ANKRD31: variants seen among roughly 807,000 people sequenced by gnomAD.
The protein encoded by ANKRD31 is ankyrin repeat domain-containing protein 31.
ANKRD31 carries 147 observed loss-of-function variants against 186.0 expected under a neutral mutation model. The observed-to-expected ratio is 0.79, with a 90% CI of 0.69 to 0.91. The LOEUF is 0.91. Ranked by LOEUF, ANKRD31 falls within the 40% of genes least tolerant of loss-of-function variation. ANKRD31 has a pLI of 0.00. For synonymous variants in ANKRD31, 673 were observed against 736.4 expected, an observed-to-expected ratio of 0.91 and a Z score of 1.39; for missense variants, 1,986 against 2,148.8, an observed-to-expected ratio of 0.92 and a Z score of 1.50.
In ANKRD31 at chr5:75,128,284, G is replaced by A. The variant is rs544654196; in HGVS notation, c.3876+9572C>T. 3.3e-5 allele frequency among the ~76,000 whole-genome samples: 5 copies of A among 151,410 alleles called. No homozygotes were observed. The South Asian group carries it at 8.4e-4, about 25-fold the overall frequency. The stretch of plus-strand genomic sequence containing the variant: ...GGGGTGGGGGACTAGGGGAGGGATA[G>A]CATTAGGAGAAATACCTAATGTAGA... On this transcript the variant is annotated intron_variant, in intron 17 of 25. Transcript: ENST00000506364.
chr5:75,144,498 T>C (rs1013496056), intron 14 of ANKRD31, among the ~76,000 whole-genome samples: 1 of 152,106 alleles, frequency 6.6e-6, no homozygotes, highest in Non-Finnish European at 1.5e-5. Context: ...GGGGAAAGGA[T>C]TCCCTATTTA....
intron 2 of ANKRD31, among the ~76,000 whole-genome samples, chr5:75,225,924 C>A (rs1207721785): frequency 6.6e-6 from 1 of 152,162 alleles, no homozygotes; most frequent in African/African-American, 2.4e-5. Flanking sequence ...CACAGGGGAG[C>A]CCACTGCTCT....
chr5:75,190,489 T>C (rs1391585257), intron 9 of ANKRD31, among the ~76,000 whole-genome samples: 1 of 152,142 alleles, frequency 6.6e-6, no homozygotes, highest in African/African-American at 2.4e-5. Context: ...ACTGGTATTA[T>C]TTCCCCCTTA....
At chr5:75,161,454 G>A (rs1378958503) in intron 11 of ANKRD31, among the ~76,000 whole-genome samples, 1 of 152,164 alleles carries the variant, frequency 6.6e-6, no homozygotes, top group Non-Finnish European at 1.5e-5. Flanking sequence ...GCTGCTAAAG[G>A]CATTCAGTTT....
At chr5:75,140,382 G>A (rs145611365) in intron 15 of ANKRD31, among the ~76,000 whole-genome samples, 63 of 152,160 alleles carry the variant, frequency 4.1e-4, no homozygotes, top group African/African-American at 1.3e-3. Flanking sequence ...GAGATGCAAA[G>A]CAAAATAAAC....
chr5:75,129,306 T>C (rs913343415), intron 17 of ANKRD31, among the ~76,000 whole-genome samples: 1 of 152,210 alleles, frequency 6.6e-6, no homozygotes, highest in Non-Finnish European at 1.5e-5. Context: ...ACCTTTTTTC[T>C]TCATAAAGCA....
At chr5:75,098,456 A>C (rs1251693445) in intron 22 of ANKRD31, among the ~76,000 whole-genome samples, 1 of 150,502 alleles carries the variant, frequency 6.6e-6, no homozygotes, top group African/African-American at 2.5e-5. Context: ...AGTTTTTTCC[A>C]ATTCTGTGAA....
rs1459508962 is a variant in ANKRD31, at chr5:75,193,544, T to C, written c.1065A>G (p.Gln355=). Residue 355 remains glutamine, a synonymous_variant, in exon 8 of 26, where the codon CAA becomes CAG. Coordinates refer to ENST00000506364, the MANE Select transcript of ANKRD31 (RefSeq NM_001372053.1). ...NPSGLQTLAH[Q]NITSCEPLSN... The stretch of plus-strand genomic sequence containing the variant: ...TTAGTGGCTCACAAGAAGTGATATT[T>C]TGATGAGCCAAAGTTTGCAATCCAG... 11 of 1,536,828 alleles carry C rather than the reference T, an allele frequency of 7.2e-6. No individual in the cohort carries two copies. Among genetic ancestry groups the C allele is most frequent in the South Asian group, 1.2e-5 (1 of 84,030 alleles).
At chr5:75,077,260 C>A (rs142133250) in intron 25 of ANKRD31, among the ~76,000 whole-genome samples, 1 of 151,978 alleles carries the variant, frequency 6.6e-6, no homozygotes, top group South Asian at 2.1e-4. Flanking sequence ...AAATAGAGAC[C>A]GGGTCTCACT....
chr5:75,093,007 G>A (rs969445835), intron 22 of ANKRD31, among the ~76,000 whole-genome samples: 1 of 152,016 alleles, frequency 6.6e-6, no homozygotes, highest in Non-Finnish European at 1.5e-5. Context: ...ATTTAAACTG[G>A]CAAGAGAAAG....
intron 7 of ANKRD31, among the ~76,000 whole-genome samples, 189 bp downstream of exon 7, chr5:75,195,442 T>A (rs1755396198): frequency 6.6e-6 from 1 of 152,138 alleles, no homozygotes; most frequent in African/African-American, 2.4e-5. Context: ...AGTCACAAAG[T>A]ATCTTCTCGG....
At chr5:75,076,050 A>AAT (rs10591898) in intron 25 of ANKRD31, among the ~76,000 whole-genome samples, 86 of 151,510 alleles carry the variant, frequency 5.7e-4, no homozygotes, top group Admixed American at 1.4e-3. Context: ...GCTTACTCTG[A>AAT]ATATATATAT....
rs1159670336 is a variant in ANKRD31, at chr5:75,107,588, T to C, written c.4273A>G (p.Lys1425Glu). The C allele has an allele frequency of 1.3e-6, 2 of 1,531,126 alleles. No homozygotes were observed. Among genetic ancestry groups the C allele is most frequent in the Non-Finnish European group, 1.7e-6 (2 of 1,143,406 alleles). The allele number at this position is 1,531,126 out of a possible 1,614,324, so 94.8% of individuals were successfully genotyped here. Residue 1425 changes from lysine to glutamate, a missense_variant, in exon 21 of 26, where the codon AAA becomes GAA. By Grantham distance (56) the Lys-to-Glu change is moderately conservative. Coordinates refer to ENST00000506364, the MANE Select transcript of ANKRD31 (RefSeq NM_001372053.1). ...EQYIEKMLKI[K>E]KIMDNVLAKQ... ...GCAAGCACATTATCCATAATCTTTT[T>C]TATCTTTAACATCTTTTCAATGTAT...
chr5:75,192,215 TCTA>T (rs1355305984), intron 9 of ANKRD31, among the ~76,000 whole-genome samples: 2 of 152,304 alleles, frequency 1.3e-5, no homozygotes, highest in African/African-American at 2.4e-5. Flanking sequence ...TGCCAATTGT[TCTA>T]CTATCTATTA....
Position 75,118,285 on chromosome 5 carries a change from GA to G in ANKRD31, c.3888del (p.Leu1297TyrfsTer27). On this transcript the variant is annotated frameshift_variant, in exon 18 of 26. Transcript: ENST00000506364. LOFTEE classifies it high-confidence loss of function. ...VANNHLKAAEILLQNGANPNQ... is the reference protein window; with the variant it reads ...VANNHLKAAEXLLQNGANPNQ... ...TTAGGGTTTGCTCCATTTTGTAGTA[GA>G]ATCTCAGCTGCCTACAAAGTATTTT... 6.7e-7 allele frequency: 1 copy of G among 1,493,500 alleles called. No homozygotes were observed. The allele number at this position is 1,493,500 out of a possible 1,614,324, so 92.5% of individuals were successfully genotyped here. A position where few individuals can be genotyped will look rare whatever the true frequency, so the allele number is the denominator to read the frequency against.
intron 2 of ANKRD31, among the ~76,000 whole-genome samples, chr5:75,228,523 G>T (rs1001297868): frequency 2.0e-5 from 3 of 151,728 alleles, no homozygotes; most frequent in African/African-American, 4.9e-5. Flanking sequence ...TAAACAAAAG[G>T]TTGAAGTAAA....
chr5:75,180,397 T>C (rs1754191942), intron 10 of ANKRD31, among the ~76,000 whole-genome samples: 1 of 152,104 alleles, frequency 6.6e-6, no homozygotes, highest in African/African-American at 2.4e-5. Context: ...AAAGTTCATA[T>C]GGAACCAAAA....
At chr5:75,132,035 T>C (rs1749888540) in intron 17 of ANKRD31, among the ~76,000 whole-genome samples, 1 of 152,048 alleles carries the variant, frequency 6.6e-6, no homozygotes, top group South Asian at 2.1e-4. Context: ...AGACCAAAGG[T>C]AGATAAAACC....
At chr5:75,105,946 C>G (rs1410529664) in intron 21 of ANKRD31, among the ~76,000 whole-genome samples, 1 of 152,056 alleles carries the variant, frequency 6.6e-6, no homozygotes, top group East Asian at 1.9e-4. Context: ...CCAATCCCAC[C>G]CTGACCTTCA....
Sources: gnomAD v4.1 joint callset for allele counts (sites outside exome capture counted in the v4.1 genomes callset) on GRCh38, gnomAD v4.1.1 for gene constraint, MANE v1.5 for transcripts, NCBI Gene and HGNC (gene_info 2026-07-23, HGNC 2026-07-21) for gene names.